GRM3: variants seen among roughly 807,000 people sequenced by gnomAD.
The protein encoded by GRM3 is metabotropic glutamate receptor 3.
In GRM3, 26 loss-of-function variants were observed where a neutral mutation model predicts 70.5. The ratio of observed to expected loss-of-function variants is 0.37; its 90% confidence interval spans 0.27 to 0.51. GRM3 has a LOEUF of 0.51. GRM3 is among the 20% of genes least tolerant of loss of function. The pLI, the probability that GRM3 is intolerant of heterozygous loss-of-function variation, is 0.93. For missense variants in GRM3, 859 were observed against 1,123.8 expected, an observed-to-expected ratio of 0.76 and a Z score of 3.37; for synonymous variants, 443 against 434.9, an observed-to-expected ratio of 1.02 and a Z score of -0.23.
rs868532943 is a variant in GRM3 at position 86,655,859 on chromosome 7, T to G, written c.-141+10987T>G. 5.4e-3 allele frequency among the ~76,000 whole-genome samples: 805 copies of G among 148,440 alleles called. 15 individuals are homozygous for G. Among genetic ancestry groups the G allele is most frequent in the African/African-American group, 0.019 (759 of 39,026 alleles). On this transcript the variant is annotated intron_variant, in intron 1 of 5. Coordinates refer to ENST00000361669, the MANE Select transcript of GRM3 (RefSeq NM_000840.3). Reference sequence around the variant, plus strand: ...GTGTGTGTGTGTGTGTGTGGGTGGGTGGGTGTGTGTGTATGTGTGTTTACT... The same window carrying G: ...GTGTGTGTGTGTGTGTGTGGGTGGGGGGGTGTGTGTGTATGTGTGTTTACT...
At chr7:86,861,912 T>G (rs556870861) in intron 5 of GRM3, among the ~76,000 whole-genome samples, 1 of 152,290 alleles carries the variant, frequency 6.6e-6, no homozygotes, top group South Asian at 2.1e-4. Flanking sequence ...GTGCAGCTCT[T>G]GCAATGATCA....
intron 1 of GRM3, among the ~76,000 whole-genome samples, chr7:86,705,397 T>C (rs1172587847): frequency 2.0e-5 from 3 of 151,870 alleles, no homozygotes; most frequent in African/African-American, 7.2e-5. Context: ...ACTGAGAGAG[T>C]CATCTCTATT....
At chr7:86,654,101 A>C (rs955785269) in intron 1 of GRM3, among the ~76,000 whole-genome samples, 28 of 152,320 alleles carry the variant, frequency 1.8e-4, no homozygotes, top group African/African-American at 6.5e-4. Context: ...GGCAATCCTC[A>C]CAAATACTGC....
intron 2 of GRM3, among the ~76,000 whole-genome samples, chr7:86,778,786 G>A (rs1162459239): frequency 6.6e-6 from 1 of 152,144 alleles, no homozygotes; most frequent in Non-Finnish European, 1.5e-5. Flanking sequence ...TACAGCTAAT[G>A]TCATACTCAG....
At chr7:86,811,672 T>C (rs1188884261) in intron 3 of GRM3, among the ~76,000 whole-genome samples, 1 of 151,844 alleles carries the variant, frequency 6.6e-6, no homozygotes, top group Non-Finnish European at 1.5e-5. Context: ...ATCTTAGAGA[T>C]TACTTAGTCA....
intron 3 of GRM3, among the ~76,000 whole-genome samples, chr7:86,799,274 A>C (rs896690276): frequency 2.0e-5 from 3 of 152,162 alleles, no homozygotes; most frequent in Admixed American, 6.5e-5. Flanking sequence ...GAGGTTTTCT[A>C]AAGATCATGG....
At chr7:86,730,739 G>A (rs780377717) in intron 1 of GRM3, among the ~76,000 whole-genome samples, 4 of 151,960 alleles carry the variant, frequency 2.6e-5, no homozygotes, top group South Asian at 2.1e-4. Context: ...TAACTCTTTC[G>A]CCATTTATTT....
At chr7:86,834,597 T>TA (rs1487445806) in intron 3 of GRM3, among the ~76,000 whole-genome samples, 1 of 151,956 alleles carries the variant, frequency 6.6e-6, no homozygotes, top group Non-Finnish European at 1.5e-5. Context: ...TTTTTTTTTT[T>TA]TTTATTTTCT....
In GRM3 at chr7:86,648,078, T is replaced by G. The variant is rs561096071; in HGVS notation, c.-141+3206T>G. Among the ~76,000 whole-genome samples, 12 of 152,328 alleles carry G rather than the reference T, an allele frequency of 7.9e-5. No individual in the cohort carries two copies. The South Asian group carries it at 2.5e-3, about 32-fold the overall frequency. On this transcript the variant is annotated intron_variant, in intron 1 of 5. Coordinates refer to ENST00000361669, the MANE Select transcript of GRM3 (RefSeq NM_000840.3). The stretch of plus-strand genomic sequence containing the variant: ...TCATCCAACATTTCTCTAGGACTTA[T>G]AAAATACAAAAGCTTCACACAGTTA...
At chr7:86,739,187 G>C (rs1192484830) in intron 1 of GRM3, among the ~76,000 whole-genome samples, 1 of 152,156 alleles carries the variant, frequency 6.6e-6, no homozygotes, top group Non-Finnish European at 1.5e-5. Flanking sequence ...ATGTTGGTCA[G>C]GCTGGTCTCA....
intron 1 of GRM3, among the ~76,000 whole-genome samples, chr7:86,731,207 G>C (rs745600178): frequency 5.9e-5 from 9 of 152,090 alleles, no homozygotes; most frequent in Non-Finnish European, 1.3e-4. Context: ...TTCTACTACT[G>C]AATTCATCAT....
At chr7:86,677,501 T>C (rs2299213) in intron 1 of GRM3, among the ~76,000 whole-genome samples, 44,557 of 151,860 alleles carry the variant, frequency 0.29, 8,495 homozygotes, top group East Asian at 0.72. Context: ...ACCAAACCTG[T>C]GCAAGATATG....
In GRM3 at chr7:86,675,204, T is replaced by A. The variant is rs187745596; in HGVS notation, c.-141+30332T>A. Among the ~76,000 whole-genome samples, 442 of 152,242 alleles carry A rather than the reference T, an allele frequency of 2.9e-3. 3 individuals carry two copies. Among genetic ancestry groups the A allele is most frequent in the Admixed American group, 6.7e-3 (103 of 15,272 alleles). ...TTAGGGCTTCTTGGAGAACCAGTAC[T>A]GTGATCAAGGTGGTCTGACAGTTGC... is the stretch of plus-strand genomic sequence containing the variant. On this transcript the variant is annotated intron_variant, in intron 1 of 5. Coordinates refer to ENST00000361669, the MANE Select transcript of GRM3 (RefSeq NM_000840.3).
rs1297645458 is a variant in GRM3, at chr7:86,825,949, C to A, written c.1325-12890C>A. ...TTTCACTCTTCTGCAGCACTTAGAT[C>A]TTCAGCACAGCAGGTGGAAAAGTGA... On this transcript the variant is annotated intron_variant, in intron 3 of 5. Coordinates refer to ENST00000361669, the MANE Select transcript of GRM3 (RefSeq NM_000840.3). 5.9e-5 allele frequency among the ~76,000 whole-genome samples: 9 copies of A among 152,184 alleles called. No individual in the cohort carries two copies. In the East Asian group the frequency reaches 1.7e-3, roughly 29 times the overall value.
At chr7:86,750,543 C>T (rs1011594105) in intron 1 of GRM3, among the ~76,000 whole-genome samples, 3 of 151,560 alleles carry the variant, frequency 2.0e-5, no homozygotes, top group African/African-American at 2.4e-5. Flanking sequence ...GAAATTGGGC[C>T]GTAAAAGAGA....
At chr7:86,771,254 A>G (rs1796732396) in intron 2 of GRM3, among the ~76,000 whole-genome samples, 1 of 152,106 alleles carries the variant, frequency 6.6e-6, no homozygotes, top group African/African-American at 2.4e-5. Context: ...TTATAATTAT[A>G]TGTCACTTTA....
intron 1 of GRM3, among the ~76,000 whole-genome samples, chr7:86,674,693 G>C (rs1309723906): frequency 6.6e-6 from 1 of 152,080 alleles, no homozygotes; most frequent in Non-Finnish European, 1.5e-5. Flanking sequence ...ACAAGACTCA[G>C]TAATCTGATC....
intron 1 of GRM3, among the ~76,000 whole-genome samples, chr7:86,723,979 A>G (rs994293779): frequency 6.6e-6 from 1 of 152,196 alleles, no homozygotes; most frequent in Non-Finnish European, 1.5e-5. Flanking sequence ...CAGGCTCATT[A>G]ACTATAAATG....
intron 1 of GRM3, among the ~76,000 whole-genome samples, chr7:86,669,905 C>G (rs190309590): frequency 3.3e-5 from 5 of 152,290 alleles, no homozygotes; most frequent in Admixed American, 2.0e-4. Context: ...TTTCTGTCCC[C>G]ACCACACTAC....
Sources: allele counts gnomAD v4.1 joint callset (sites outside exome capture counted in the v4.1 genomes callset), GRCh38; gene constraint gnomAD v4.1.1; transcripts MANE v1.5; gene names NCBI Gene and HGNC (gene_info 2026-07-23, HGNC 2026-07-21).